Variants in GALK2 observed in about 807,000 individuals in gnomAD.
GALK2 encodes the protein N-acetylgalactosamine kinase.
Under a neutral mutation model 52.4 loss-of-function variants are expected in GALK2, and 36 were observed. The ratio of observed to expected loss-of-function variants is 0.69; its 90% confidence interval spans 0.53 to 0.91. The LOEUF (loss-of-function observed/expected upper bound fraction) is 0.91. GALK2 is among the 40% of genes least tolerant of loss of function. The probability of loss-of-function intolerance (pLI) is 0.00; values close to 1 mark genes in which losing one functional copy is unlikely to be tolerated. For synonymous variants in GALK2, 176 were observed against 199.1 expected, an observed-to-expected ratio of 0.88 and a Z score of 0.98; for missense variants, 579 against 559.1, an observed-to-expected ratio of 1.04 and a Z score of -0.36.
chr15:49,359,011 G>T (rs1596499253), intron 3 of GALK2, among the ~76,000 whole-genome samples: 1 of 151,842 alleles, frequency 6.6e-6, no homozygotes, highest in South Asian at 2.1e-4. Flanking sequence ...TTAATAAATG[G>T]TGCTGGGAAA....
intron 5 of GALK2, among the ~76,000 whole-genome samples, chr15:49,269,778 C>T (rs958757837): frequency 6.6e-6 from 1 of 152,288 alleles, no homozygotes; most frequent in South Asian, 2.1e-4. Flanking sequence ...GATCTCACTG[C>T]TTCACAAATT....
intron 5 of GALK2, among the ~76,000 whole-genome samples, chr15:49,277,572 C>T (rs1471107895): frequency 1.4e-5 from 2 of 147,922 alleles, no homozygotes; most frequent in South Asian, 2.2e-4. Context: ...CCGAGGCGGG[C>T]GGATCACGAG....
At chr15:49,244,658 A>G (rs2091260112) in intron 5 of GALK2, among the ~76,000 whole-genome samples, 1 of 152,218 alleles carries the variant, frequency 6.6e-6, no homozygotes, top group Admixed American at 6.5e-5. Flanking sequence ...ACCAAGAAAG[A>G]AGATCGCATG....
intron 5 of GALK2, among the ~76,000 whole-genome samples, chr15:49,257,782 A>G (rs887098025): frequency 1.3e-5 from 2 of 151,970 alleles, no homozygotes; most frequent in African/African-American, 4.8e-5. Flanking sequence ...GGGTGAAACT[A>G]TATTTCTTAA....
chr15:49,187,064 C>G (rs1190046240), intron 1 of GALK2, among the ~76,000 whole-genome samples: 2 of 152,124 alleles, frequency 1.3e-5, no homozygotes, highest in Admixed American at 6.6e-5. Context: ...TTATTTGTAT[C>G]CTTTTGGGGC....
chr15:49,360,899 C>G (rs544299363), intron 3 of GALK2, among the ~76,000 whole-genome samples: 10 of 152,256 alleles, frequency 6.6e-5, no homozygotes, highest in African/African-American at 2.4e-4. Flanking sequence ...CTCCAGTCCT[C>G]TCCATACATA....
chr15:49,252,550 A>G (rs970880193), intron 5 of GALK2, among the ~76,000 whole-genome samples: 19 of 152,172 alleles, frequency 1.2e-4, no homozygotes, highest in African/African-American at 3.9e-4. Flanking sequence ...ATTTCTTTAT[A>G]AGGATATGCT....
chr15:49,193,363 T>C lies in GALK2; in HGVS notation c.54-7799T>C, dbSNP rs190652554. ...CTTTTTCACATGGTTTTTAAGAGGC[T>C]TTTTTTTTTTAATGTAAGGGATATT... On this transcript the variant is annotated intron_variant, in intron 1 of 9. Coordinates refer to ENST00000560031, the MANE Select transcript of GALK2 (RefSeq NM_002044.4). 3.1e-3 allele frequency among the ~76,000 whole-genome samples: 449 copies of C among 142,646 alleles called. 5 individuals carry two copies. Among genetic ancestry groups the C allele is most frequent in the African/African-American group, 0.011 (426 of 39,830 alleles). 93.6% of individuals were successfully genotyped at this position (142,646 alleles called of 152,430 possible). A position where few individuals can be genotyped will look rare whatever the true frequency, so the allele number is the denominator to read the frequency against.
chr15:49,287,228 T>C (rs1315773456), intron 7 of GALK2, among the ~76,000 whole-genome samples: 1 of 152,226 alleles, frequency 6.6e-6, no homozygotes, highest in Non-Finnish European at 1.5e-5. Flanking sequence ...AATTGGCATC[T>C]GAATTTGGCT....
At position 49,328,754 on chromosome 15, in the gene GALK2, C is replaced by T. The variant is rs2037982496; in HGVS notation, c.*595C>T. The T allele has an allele frequency of 6.7e-7, 1 of 1,487,872 alleles. No homozygotes were observed. The allele number at this position is 1,487,872 out of a possible 1,614,324, so 92.2% of individuals were successfully genotyped here. On this transcript the variant is annotated 3_prime_UTR_variant, in exon 10 of 10. Coordinates refer to ENST00000560031, the MANE Select transcript of GALK2 (RefSeq NM_002044.4). ...ATTGAATTTGAATGTGAGATTTCTC[C>T]AGTTATCAAGAGACTAAGGATTTTT...
At chr15:49,299,710 CTTTCTTTCTTTCTTTCTTTCTTTCT>C (rs1226176281) in intron 8 of GALK2, among the ~76,000 whole-genome samples, 1,709 of 25,350 alleles carry the variant, frequency 0.067, 84 homozygotes, top group African/African-American at 0.2. Flanking sequence ...CTTGGTATTG[CTTTCTTTCTTTCTTTCTTTCTTTCT>C]TTTCTTTCTT....
At chr15:49,156,544 T>C (rs2084458711) in intron 1 of GALK2, 1 of 516,066 alleles carries the variant, frequency 1.9e-6, no homozygotes, top group African/African-American at 1.9e-5. Flanking sequence ...ATTCCAAAGA[T>C]CCTGTGTCTT....
At position 49,328,695 on chromosome 15, in the gene GALK2, T is replaced by C. The variant is rs1404520623; in HGVS notation, c.*536T>C. On this transcript the variant is annotated 3_prime_UTR_variant, in exon 10 of 10. Transcript: ENST00000560031. ...GGAACGCTATGAAAATAATACATGA[T>C]TAAAGTTTCACAGATCTTCTTGGAC... 1.3e-6 allele frequency: 2 copies of C among 1,549,808 alleles called. No homozygotes were observed. The highest frequency in any genetic ancestry group is 2.4e-5 in the East Asian group (1 of 40,930).
In GALK2 at chr15:49,330,659, T is replaced by G. The variant is rs2038509841; in HGVS notation, c.*2500T>G. 1 of 151,964 alleles carries G rather than the reference T, an allele frequency of 6.6e-6. No homozygotes were observed. The highest frequency in any genetic ancestry group is 1.5e-5 in the Non-Finnish European group (1 of 68,046). 9.4% of individuals were successfully genotyped at this position (151,964 alleles called of 1,614,324 possible). On this transcript the variant is annotated 3_prime_UTR_variant, in exon 10 of 10. Coordinates refer to ENST00000560031, the MANE Select transcript of GALK2 (RefSeq NM_002044.4). ...ACCAGCTGAGGTCACTTGCCCTTTA[T>G]CAGGACACTTGCACTGTTGTTTTCC...
At chr15:49,221,135 T>C (rs775915461) in intron 3 of GALK2, among the ~76,000 whole-genome samples, 1 of 152,208 alleles carries the variant, frequency 6.6e-6, no homozygotes, top group Admixed American at 6.5e-5. Flanking sequence ...ACTTTTGAGA[T>C]CTTAGTCATA....
At chr15:49,160,208 G>A (rs115728994) in intron 1 of GALK2, among the ~76,000 whole-genome samples, 2,610 of 152,132 alleles carry the variant, frequency 0.017, 96 homozygotes, top group African/African-American at 0.06. Context: ...CTGGGAGGTC[G>A]GGGTTGCAGT....
At chr15:49,239,565 C>G (rs996269638) in intron 5 of GALK2, among the ~76,000 whole-genome samples, 198 bp downstream of exon 5, 2 of 152,174 alleles carry the variant, frequency 1.3e-5, no homozygotes, top group Non-Finnish European at 2.9e-5. Flanking sequence ...GTGAATAGAT[C>G]TGTGAATAAC....
In GALK2 at chr15:49,221,687, A is replaced by T. The variant is rs570488806; in HGVS notation, c.266+4374A>T. On this transcript the variant is annotated intron_variant, in intron 3 of 9. Transcript: ENST00000560031. ...CTGTCTTGAAAAAAATAAAAAAATT[A>T]AAAAAAAAAGAAAATGAGTTTGCTG... is the stretch of plus-strand genomic sequence containing the variant. Among the ~76,000 whole-genome samples, 25 of 149,076 alleles carry T rather than the reference A, an allele frequency of 1.7e-4. No individual in the cohort carries two copies. The South Asian group carries it at 2.2e-3, about 13-fold the overall frequency.
intron 5 of GALK2, among the ~76,000 whole-genome samples, chr15:49,280,064 T>C (rs150439808): frequency 2.1e-4 from 32 of 152,278 alleles, no homozygotes; most frequent in African/African-American, 6.7e-4. Context: ...ATATTTACTA[T>C]GTGTTCGGCA....
Sources: gnomAD v4.1 joint callset for allele counts (sites outside exome capture counted in the v4.1 genomes callset) on GRCh38, gnomAD v4.1.1 for gene constraint, MANE v1.5 for transcripts, NCBI Gene and HGNC (gene_info 2026-07-23, HGNC 2026-07-21) for gene names.